The following PSMD14 variants were observed in gnomAD, a reference collection of about 807,000 sequenced individuals.
PSMD14 encodes the protein proteasome 26S subunit, non-ATPase 14.
A neutral mutation model predicts 41.2 loss-of-function variants in PSMD14; 7 were observed. That is an observed-to-expected ratio of 0.17 (90% CI 0.10 to 0.32). PSMD14 has a LOEUF of 0.32. Ranked by LOEUF, PSMD14 falls within the 10% of genes least tolerant of loss-of-function variation. The pLI is 1.00. For missense variants in PSMD14, 139 were observed against 375.6 expected (o/e 0.37, Z 5.21); for synonymous variants, 114 against 122.3 (o/e 0.93, Z 0.45).
At chr2:161,334,205 G>A (rs895719358) in intron 3 of PSMD14, among the ~76,000 whole-genome samples, 4 of 151,566 alleles carry the variant, frequency 2.6e-5, no homozygotes, top group Non-Finnish European at 1.5e-5. Context: ...GTATGGTGTT[G>A]CATGCCTGTA....
At chr2:161,321,585 C>A (rs981489956) in intron 3 of PSMD14, among the ~76,000 whole-genome samples, 4 of 152,176 alleles carry the variant, frequency 2.6e-5, no homozygotes, top group African/African-American at 9.7e-5. Flanking sequence ...CAGATGCCAG[C>A]TATACTTCAT....
intron 3 of PSMD14, among the ~76,000 whole-genome samples, chr2:161,343,824 T>C: frequency 3.7e-5 from 1 of 27,048 alleles, no homozygotes; most frequent in Admixed American, 4.1e-4. Flanking sequence ...TGATACTCTG[T>C]CTCAAAAAAA....
intron 8 of PSMD14, among the ~76,000 whole-genome samples, chr2:161,389,889 G>GTTTTTTTTTTTTTTTTTTTTTTTTTT (rs1162637393): frequency 1.0e-4 from 2 of 20,050 alleles, no homozygotes; most frequent in African/African-American, 1.5e-4. Context: ...CTTTTTTGTT[G>GTTTTTTTTTTTTTTTTTTTTTTTTTT]TTTTTTTTTT....
At chr2:161,388,801 G>T (rs949055933) in intron 8 of PSMD14, among the ~76,000 whole-genome samples, 1 of 152,024 alleles carries the variant, frequency 6.6e-6, no homozygotes, top group African/African-American at 2.4e-5. Context: ...TATATAATCC[G>T]TAAGCCGTGT....
intron 3 of PSMD14, among the ~76,000 whole-genome samples, chr2:161,365,098 T>TC (rs1450027657): frequency 6.6e-6 from 1 of 152,116 alleles, no homozygotes; most frequent in Non-Finnish European, 1.5e-5. Flanking sequence ...AGAGCGAGAC[T>TC]CCGTCTAAAA....
In PSMD14 at chr2:161,367,540, A is replaced by T; in HGVS notation, c.111A>T (p.Ala37=). The part of the protein sequence containing the change: ...TAEQVYISSL[A]LLKMLKHGRA... ...AACAAGTCTATATCTCTTCCCTGGC[A>T]CTGTTAAAAGTAGGTAATGAATGTA... The change falls in exon 4 of 12, where the codon GCA becomes GCT. Residue 37 remains alanine (A), a synonymous_variant. Coordinates refer to ENST00000409682, the MANE Select transcript of PSMD14 (RefSeq NM_005805.6). 6.3e-7 allele frequency: 1 copy of T among 1,599,758 alleles called. No individual in the cohort carries two copies. Among genetic ancestry groups the T allele is most frequent in the Non-Finnish European group, 8.5e-7 (1 of 1,172,422 alleles).
chr2:161,400,005 A>G (rs758574893), intron 10 of PSMD14, among the ~76,000 whole-genome samples: 1 of 152,228 alleles, frequency 6.6e-6, no homozygotes, highest in Non-Finnish European at 1.5e-5. Context: ...TCTTGCATAT[A>G]TGTCAACATA....
rs1386602879 is a variant in PSMD14, at chr2:161,384,999, G to C, written c.463-465G>C. 2.0e-5 allele frequency: 3 copies of C among 152,116 alleles called. No individual in the cohort carries two copies. In the East Asian group the frequency reaches 5.8e-4, roughly 29 times the overall value. 9.4% of individuals were successfully genotyped at this position (152,116 alleles called of 1,614,324 possible). A position where few individuals can be genotyped will look rare whatever the true frequency, so the allele number is the denominator to read the frequency against. On this transcript the variant is annotated intron_variant, in intron 7 of 11. Transcript: ENST00000409682. The stretch of plus-strand genomic sequence containing the variant: ...AAGAGAATATGTGGGCAAGTGCCTT[G>C]CTGGCTGTAATTTTGTTGTCATTTC...
chr2:161,356,762 C>CT (rs4027150), intron 3 of PSMD14, among the ~76,000 whole-genome samples: 48 of 143,874 alleles, frequency 3.3e-4, no homozygotes, highest in Admixed American at 4.1e-4. Context: ...ATTCAAACTC[C>CT]TTTTTTTTTT....
At chr2:161,327,960 G>GTGTGTGTGTGTC (rs1422292039) in intron 3 of PSMD14, among the ~76,000 whole-genome samples, 1 of 150,042 alleles carries the variant, frequency 6.7e-6, no homozygotes, top group Non-Finnish European at 1.5e-5. Context: ...GTGTGTGTGT[G>GTGTGTGTGTGTC]TGTGTGTGTG....
rs546870033 is a variant in PSMD14, at chr2:161,346,667, G to A, written c.49-20811G>A. On this transcript the variant is annotated intron_variant, in intron 3 of 11. Coordinates refer to ENST00000409682, the MANE Select transcript of PSMD14 (RefSeq NM_005805.6). ...AAACTGTTTGATTCTTTCTAGTTTT[G>A]CTTTTAACCCTTGCTAGTTAAGACT... Among the ~76,000 whole-genome samples, 3 of 151,172 alleles carry A rather than the reference G, an allele frequency of 2.0e-5. No individual in the cohort carries two copies. In the East Asian group the frequency reaches 5.8e-4, roughly 29 times the overall value.
intron 3 of PSMD14, among the ~76,000 whole-genome samples, chr2:161,360,027 C>A (rs1457481032): frequency 1.3e-5 from 2 of 151,906 alleles, no homozygotes; most frequent in African/African-American, 4.8e-5. Context: ...GTATCTATCA[C>A]ACATTTGAAA....
chr2:161,357,511 G>A (rs1446099507), intron 3 of PSMD14, among the ~76,000 whole-genome samples: 1 of 152,024 alleles, frequency 6.6e-6, no homozygotes, highest in African/African-American at 2.4e-5. Context: ...TTTCAAAGTC[G>A]CTTGTAGGAA....
chr2:161,365,814 G>T (rs376506893), intron 3 of PSMD14, among the ~76,000 whole-genome samples: 1 of 151,978 alleles, frequency 6.6e-6, no homozygotes, highest in South Asian at 2.1e-4. Context: ...ATTTAAAGTC[G>T]TCTTTTAACT....
At chr2:161,377,458 T>A (rs561106182) in intron 7 of PSMD14, among the ~76,000 whole-genome samples, 2 of 152,022 alleles carry the variant, frequency 1.3e-5, no homozygotes, top group East Asian at 3.9e-4. Flanking sequence ...TAAGAAAATA[T>A]TATAGGTACT....
At chr2:161,386,315 A>G (rs1002610112) in intron 8 of PSMD14, among the ~76,000 whole-genome samples, 1 of 151,880 alleles carries the variant, frequency 6.6e-6, no homozygotes, top group Admixed American at 6.6e-5. Flanking sequence ...CAGAAATACC[A>G]TGTTTGGTTA....
At chr2:161,320,826 A>G (rs1283320399) in intron 3 of PSMD14, among the ~76,000 whole-genome samples, 1 of 152,006 alleles carries the variant, frequency 6.6e-6, no homozygotes, top group Non-Finnish European at 1.5e-5. Flanking sequence ...CCTGGGTTCA[A>G]GTGATTCTTC....
chr2:161,383,524 G>C (rs1683595134), intron 7 of PSMD14: 1 of 151,490 alleles, frequency 6.6e-6, no homozygotes, highest in African/African-American at 2.4e-5. Context: ...TTTCACACCT[G>C]CTTATAATAT....
chr2:161,405,991 AAAC>A (rs1277316274), intron 10 of PSMD14, among the ~76,000 whole-genome samples: 8 of 152,210 alleles, frequency 5.3e-5, no homozygotes, highest in South Asian at 4.1e-4. Context: ...AGAAAGTTAA[AAAC>A]AACAACAACA....
Sources: gnomAD v4.1 joint callset for allele counts (sites outside exome capture counted in the v4.1 genomes callset) on GRCh38, gnomAD v4.1.1 for gene constraint, MANE v1.5 for transcripts, NCBI Gene and HGNC (gene_info 2026-07-23, HGNC 2026-07-21) for gene names.